The following ZNF845 variants were observed in gnomAD, a reference collection of about 807,000 sequenced individuals.
ZNF845 encodes zinc finger protein 845.
Under a neutral mutation model 76.1 loss-of-function variants are expected in ZNF845, and 59 were observed. That is an observed-to-expected ratio of 0.78 (90% CI 0.63 to 0.96). The LOEUF is 0.96. Ranked by LOEUF, ZNF845 falls within the 40% of genes least tolerant of loss-of-function variation. The pLI, the probability that ZNF845 is intolerant of heterozygous loss-of-function variation, is 0.00. For missense variants in ZNF845, 1,045 were observed against 1,172.8 expected (o/e 0.89, Z 1.59); for synonymous variants, 361 against 386.9 (o/e 0.93, Z 0.78).
chr19:53,352,697 G>A lies in ZNF845; in HGVS notation c.2022G>A (p.Arg674=). ...ATGAATGTGGCAAGACCTTTAGTCG[G>A]AAGTCATACCTTACATGCCATCGTA... The part of the protein sequence containing the change: ...RCNECGKTFS[R]KSYLTCHRRL... Residue 674 remains arginine (R), a synonymous_variant, in exon 4 of 4, where the codon CGG becomes CGA. Coordinates refer to ENST00000458035, the MANE Select transcript of ZNF845 (RefSeq NM_138374.3). The A allele has an allele frequency of 5.0e-6, 8 of 1,613,418 alleles. No individual in the cohort carries two copies. The Admixed American group carries it at 1.3e-4, about 27-fold the overall frequency.
At chr19:53,346,340 C>A (rs2085296106) in intron 3 of ZNF845, 1 of 426,000 alleles carries the variant, frequency 2.3e-6, no homozygotes. Flanking sequence ...GCCAAGGCAG[C>A]AGTGCCGTAT....
rs966824205 is a variant in ZNF845 at position 53,356,482 on chromosome 19, G to A, written c.*2894G>A. 1 of 152,274 alleles carries A rather than the reference G, an allele frequency of 6.6e-6. No homozygotes were observed. Among genetic ancestry groups the A allele is most frequent in the Admixed American group, 6.5e-5 (1 of 15,274 alleles). The allele number at this position is 152,274 out of a possible 1,614,324, so 9.4% of individuals were successfully genotyped here. On this transcript the variant is annotated 3_prime_UTR_variant, in exon 4 of 4. Coordinates refer to ENST00000458035, the MANE Select transcript of ZNF845 (RefSeq NM_138374.3). ...GAAGCAGGGATTTTGAGGCTGAAGTGAGCCCTGATCTCACCACTGCACTCC... is the reference window on the plus strand; with the variant it reads ...GAAGCAGGGATTTTGAGGCTGAAGTAAGCCCTGATCTCACCACTGCACTCC...
rs780772549 is a variant in ZNF845, at chr19:53,351,745, G to A, written c.1070G>A (p.Cys357Tyr). ...RLHTGEKPYKCEECDKAFSFK... is the reference protein window; with the variant it reads ...RLHTGEKPYKYEECDKAFSFK... ...CATACTGGAGAGAAACCTTACAAAT[G>A]TGAAGAATGTGACAAAGCTTTCAGT... The change falls in exon 4 of 4, where the codon TGT becomes TAT. Residue 357 changes from cysteine (C) to tyrosine (Y), a missense_variant. By Grantham distance (194) the Cys-to-Tyr change is radical. Transcript: ENST00000458035. The A allele has an allele frequency of 2.5e-6, 4 of 1,613,998 alleles. No individual in the cohort carries two copies. The African/African-American group carries it at 4.0e-5, about 16-fold the overall frequency.
rs530190254 is a variant in ZNF845, at chr19:53,352,275, C to T, written c.1600C>T (p.Arg534Trp). Residue 534 changes from arginine (R) to tryptophan (W), a missense_variant, in exon 4 of 4, where the codon CGG becomes TGG. By Grantham distance (101) the Arg-to-Trp change is moderately radical (BLOSUM62 -3). Transcript: ENST00000458035. ...KCNECGKTFS[R>W]KSSLTRHCRL... The stretch of plus-strand genomic sequence containing the variant: ...TAATGAATGTGGCAAGACCTTTAGT[C>T]GGAAGTCATCCCTTACACGCCATTG... 43 of 1,613,618 alleles carry T rather than the reference C, an allele frequency of 2.7e-5. No homozygotes were observed. Among genetic ancestry groups the T allele is most frequent in the South Asian group, 2.0e-4 (18 of 91,048 alleles).
rs1004679920 is a variant in ZNF845, at chr19:53,355,123, G to A, written c.*1535G>A. 1.3e-5 allele frequency: 2 copies of A among 151,928 alleles called. No individual in the cohort carries two copies. Among genetic ancestry groups the A allele is most frequent in the Non-Finnish European group, 2.9e-5 (2 of 67,988 alleles). 9.4% of individuals were successfully genotyped at this position (151,928 alleles called of 1,614,324 possible). Reference sequence around the variant, plus strand: ...GACGGGGTTTCACCATGTTGACCAGGTTTTTCTTGAACTCCTGACTTCAGG... The same window carrying A: ...GACGGGGTTTCACCATGTTGACCAGATTTTTCTTGAACTCCTGACTTCAGG... On this transcript the variant is annotated 3_prime_UTR_variant, in exon 4 of 4. Transcript: ENST00000458035.
chr19:53,348,966 C>T (rs940647092), intron 3 of ZNF845, among the ~76,000 whole-genome samples: 6 of 149,084 alleles, frequency 4.0e-5, no homozygotes, highest in African/African-American at 1.2e-4. Context: ...AAACGATTCT[C>T]CTGCCTCAGC....
rs574671621 is a variant in ZNF845, at chr19:53,352,742, A to G, written c.2067A>G (p.Lys689=). The part of the protein sequence containing the change: ...TCHRRLHTGE[K]PYKCNECGKT... Reference sequence around the variant, plus strand: ...ATCGTAGACTTCATACTGGAGAGAAACCTTACAAGTGTAATGAGTGTGGCA... The same window carrying G: ...ATCGTAGACTTCATACTGGAGAGAAGCCTTACAAGTGTAATGAGTGTGGCA... Residue 689 remains lysine, a synonymous_variant, in exon 4 of 4, where the codon AAA becomes AAG. Coordinates refer to ENST00000458035, the MANE Select transcript of ZNF845 (RefSeq NM_138374.3). 9 of 1,614,134 alleles carry G rather than the reference A, an allele frequency of 5.6e-6. No individual in the cohort carries two copies. In the African/African-American group the frequency reaches 1.1e-4, roughly 19 times the overall value.
intron 1 of ZNF845, among the ~76,000 whole-genome samples, chr19:53,337,562 T>TTTTAA (rs987552355): frequency 6.6e-5 from 10 of 152,054 alleles, no homozygotes; most frequent in South Asian, 2.1e-4. Flanking sequence ...TGTATTTTAA[T>TTTTAA]TTTAATTTAA....
chr19:53,353,536 G>A lies in ZNF845; in HGVS notation c.2861G>A (p.Arg954Gln), dbSNP rs760654260. ...AATGAATGTGGCAAGGTTTTTAATC[G>A]AAAAGCAAAACTTGCACGTCATCAT... ...KCNECGKVFN[R>Q]KAKLARHHRI... is the part of the protein sequence containing the mutation. Residue 954 changes from arginine to glutamine, a missense_variant, in exon 4 of 4, where the codon CGA becomes CAA. Transcript: ENST00000458035. 4.8e-5 allele frequency: 77 copies of A among 1,610,746 alleles called. No homozygotes were observed. Among genetic ancestry groups the A allele is most frequent in the Non-Finnish European group, 6.0e-5 (71 of 1,178,398 alleles).
rs564176419 is a variant in ZNF845, at chr19:53,341,781, T to G, written c.15+459T>G. Among the ~76,000 whole-genome samples, 13 of 152,324 alleles carry G rather than the reference T, an allele frequency of 8.5e-5. No homozygotes were observed. The South Asian group carries it at 2.7e-3, about 32-fold the overall frequency. ...GCCTGATTTTATACTACATTTTTAG[T>G]TTTTTGAGTGAGTTACTGTGTTTCT... On this transcript the variant is annotated intron_variant, in intron 2 of 3. Transcript: ENST00000458035.
rs754745321 is a variant in ZNF845, at chr19:53,354,408, C to T, written c.*820C>T. ...AGATTGGGCCAGGCGGGGTGGCTCACGCCTGTAATCCCAGCACTTTGGGAG... is the reference window on the plus strand; with the variant it reads ...AGATTGGGCCAGGCGGGGTGGCTCATGCCTGTAATCCCAGCACTTTGGGAG... On this transcript the variant is annotated 3_prime_UTR_variant, in exon 4 of 4. Transcript: ENST00000458035. 34 of 265,094 alleles carry T rather than the reference C, an allele frequency of 1.3e-4. No homozygotes were observed. The highest frequency in any genetic ancestry group is 2.0e-4 in the Non-Finnish European group (26 of 129,908). The allele number at this position is 265,094 out of a possible 1,614,324, so 16.4% of individuals were successfully genotyped here.
intron 3 of ZNF845, among the ~76,000 whole-genome samples, chr19:53,349,675 T>C (rs1453491639): frequency 6.6e-6 from 1 of 152,202 alleles, no homozygotes; most frequent in Non-Finnish European, 1.5e-5. Flanking sequence ...TAATTAATTT[T>C]TATGATTTTA....
chr19:53,334,951 G>A (rs1332402954), intron 1 of ZNF845, among the ~76,000 whole-genome samples: 1 of 151,948 alleles, frequency 6.6e-6, no homozygotes, highest in African/African-American at 2.4e-5. Context: ...CAGATGAGTG[G>A]GTGAGTTCAT....
chr19:53,346,174 C>CACA (rs1326400862), intron 3 of ZNF845, among the ~76,000 whole-genome samples: 1 of 152,048 alleles, frequency 6.6e-6, no homozygotes, highest in Non-Finnish European at 1.5e-5. Flanking sequence ...AAGACCTTAC[C>CACA]GTTGTGTTTC....
chr19:53,353,146 T>C lies in ZNF845; in HGVS notation c.2471T>C (p.Ile824Thr). The C allele has an allele frequency of 6.2e-7, 1 of 1,612,036 alleles. No individual in the cohort carries two copies. Among genetic ancestry groups the C allele is most frequent in the Non-Finnish European group, 8.5e-7 (1 of 1,178,402 alleles). Residue 824 changes from isoleucine (I) to threonine (T), a missense_variant, in exon 4 of 4, where the codon ATT (isoleucine) becomes ACT (threonine). Transcript: ENST00000458035. The stretch of plus-strand genomic sequence containing the variant: ...TCAGCCCTTGTAATTCATAAGGCAA[T>C]TCATAGTGGAGAGAAACCTTACAAG... ...HNSALVIHKAIHSGEKPYKCN... is the reference protein window; with the variant it reads ...HNSALVIHKATHSGEKPYKCN...
intron 2 of ZNF845, among the ~76,000 whole-genome samples, chr19:53,342,193 C>G (rs1344636564): frequency 1.3e-5 from 2 of 151,778 alleles, no homozygotes; most frequent in Non-Finnish European, 2.9e-5. Flanking sequence ...TGGCTCACGG[C>G]AACCTCCACC....
At chr19:53,346,655 T>C (rs928677905) in intron 3 of ZNF845, among the ~76,000 whole-genome samples, 2 of 152,234 alleles carry the variant, frequency 1.3e-5, no homozygotes, top group African/African-American at 4.8e-5. Flanking sequence ...CACTAGAGTC[T>C]GAGAGACAGA....
intron 1 of ZNF845, among the ~76,000 whole-genome samples, chr19:53,338,243 A>T (rs1221988873): frequency 1.3e-5 from 2 of 152,276 alleles, no homozygotes; most frequent in East Asian, 1.9e-4. Flanking sequence ...TTCAGTCAAA[A>T]TAAAAGGAGA....
intron 1 of ZNF845, among the ~76,000 whole-genome samples, chr19:53,338,950 A>C (rs1175211111): frequency 6.6e-6 from 1 of 151,908 alleles, no homozygotes; most frequent in Non-Finnish European, 1.5e-5. Flanking sequence ...AGAAAAAAAA[A>C]TGAGCCAGGC....
Sources: gnomAD v4.1 joint callset for allele counts (sites outside exome capture counted in the v4.1 genomes callset) on GRCh38, gnomAD v4.1.1 for gene constraint, MANE v1.5 for transcripts, NCBI Gene and HGNC (gene_info 2026-07-23, HGNC 2026-07-21) for gene names.